HS3ST4: variants seen among roughly 807,000 people sequenced by gnomAD.
The protein encoded by HS3ST4 is heparan sulfate glucosamine 3-O-sulfotransferase 4.
A neutral mutation model predicts 29.2 loss-of-function variants in HS3ST4; 17 were observed. The ratio of observed to expected loss-of-function variants is 0.58; its 90% CI spans 0.40 to 0.87. HS3ST4 has a LOEUF of 0.87. Among genes scored for constraint, HS3ST4 ranks in the 40% least tolerant of loss-of-function variants. The probability of loss-of-function intolerance (pLI) is 0.00; values close to 1 mark genes in which losing one functional copy is unlikely to be tolerated. For synonymous variants in HS3ST4, 314 were observed against 285.7 expected (o/e 1.10, Z -1.00); for missense variants, 627 against 634.5 (o/e 0.99, Z 0.13).
intron 1 of HS3ST4, among the ~76,000 whole-genome samples, chr16:25,777,725 G>A (rs1313668292): frequency 1.3e-5 from 2 of 152,062 alleles, no homozygotes; most frequent in East Asian, 1.9e-4. Context: ...CTGAGATCGC[G>A]CCACTGCACT....
At chr16:25,813,059 C>T (rs1429399487) in intron 1 of HS3ST4, among the ~76,000 whole-genome samples, 2 of 152,182 alleles carry the variant, frequency 1.3e-5, no homozygotes, top group African/African-American at 2.4e-5. Context: ...ACAAAGGGCT[C>T]ATGTCCAGAA....
chr16:25,863,106 C>T (rs1344692803), intron 1 of HS3ST4, among the ~76,000 whole-genome samples: 1 of 152,128 alleles, frequency 6.6e-6, no homozygotes, highest in African/African-American at 2.4e-5. Flanking sequence ...ATCCTCTAAC[C>T]TATTTTCTAA....
At chr16:26,037,976 C>T (rs1969598621) in intron 1 of HS3ST4, among the ~76,000 whole-genome samples, 1 of 152,160 alleles carries the variant, frequency 6.6e-6, no homozygotes, top group Admixed American at 6.5e-5. Flanking sequence ...CTTGCCGGGT[C>T]AAAAGCCTCC....
chr16:25,933,268 G>C (rs1596618535), intron 1 of HS3ST4: 2 of 450,630 alleles, frequency 4.4e-6, no homozygotes, highest in Non-Finnish European at 8.9e-6. Flanking sequence ...AGCCATTATT[G>C]ATTGGCTGCC....
intron 1 of HS3ST4, among the ~76,000 whole-genome samples, chr16:25,882,699 G>A (rs1967906189): frequency 6.6e-6 from 1 of 152,038 alleles, no homozygotes; most frequent in Non-Finnish European, 1.5e-5. Flanking sequence ...GATAGTAAAG[G>A]GGGCTTTTCC....
At chr16:25,799,568 T>C (rs1200321353) in intron 1 of HS3ST4, among the ~76,000 whole-genome samples, 1 of 152,158 alleles carries the variant, frequency 6.6e-6, no homozygotes, top group Non-Finnish European at 1.5e-5. Context: ...TACCTGCTGC[T>C]CTCAGCACAG....
intron 1 of HS3ST4, among the ~76,000 whole-genome samples, chr16:26,109,065 G>A (rs1250773540): frequency 2.0e-5 from 3 of 152,060 alleles, no homozygotes; most frequent in African/African-American, 7.2e-5. Flanking sequence ...TTAAGTGTGG[G>A]ATGAAACCAG....
chr16:25,843,462 C>T (rs925653820), intron 1 of HS3ST4, among the ~76,000 whole-genome samples: 5 of 152,206 alleles, frequency 3.3e-5, no homozygotes, highest in African/African-American at 1.2e-4. Context: ...GACCTAGCCT[C>T]AGACCTGCAT....
intron 1 of HS3ST4, among the ~76,000 whole-genome samples, chr16:25,697,775 C>T (rs182348375): frequency 1.1e-3 from 174 of 152,170 alleles, no homozygotes; most frequent in African/African-American, 3.7e-3. Flanking sequence ...CTGCTTCAAG[C>T]GATTATCCTG....
intron 1 of HS3ST4, among the ~76,000 whole-genome samples, chr16:26,035,090 A>G (rs1029673721): frequency 6.6e-6 from 1 of 152,354 alleles, no homozygotes; most frequent in South Asian, 2.1e-4. Context: ...AACAATTTTA[A>G]TGAACTCAAA....
chr16:26,109,920 C>G (rs1899106703), intron 1 of HS3ST4, among the ~76,000 whole-genome samples: 1 of 152,076 alleles, frequency 6.6e-6, no homozygotes, highest in South Asian at 2.1e-4. Flanking sequence ...TATTTAAGAT[C>G]TACTTTCAGC....
intron 1 of HS3ST4, among the ~76,000 whole-genome samples, chr16:25,834,899 A>G (rs1967342001): frequency 6.6e-6 from 1 of 152,186 alleles, no homozygotes; most frequent in Admixed American, 6.5e-5. Context: ...GTGAGCTGAG[A>G]TCGCACCACT....
At chr16:25,798,918 A>C (rs990158452) in intron 1 of HS3ST4, among the ~76,000 whole-genome samples, 1 of 152,142 alleles carries the variant, frequency 6.6e-6, no homozygotes, top group African/African-American at 2.4e-5. Context: ...CTCCCTGGAC[A>C]TTGGGTTACC....
chr16:26,117,198 A>T (rs1899212158), intron 1 of HS3ST4, among the ~76,000 whole-genome samples: 3 of 152,208 alleles, frequency 2.0e-5, no homozygotes, highest in Admixed American at 1.3e-4. Context: ...TGGTGACTTC[A>T]GGCCATCGAA....
intron 1 of HS3ST4, among the ~76,000 whole-genome samples, chr16:25,990,784 T>C (rs1969107190): frequency 6.6e-6 from 1 of 152,206 alleles, no homozygotes; most frequent in Non-Finnish European, 1.5e-5. Flanking sequence ...CACTGTCTCA[T>C]GTATAATCAA....
intron 1 of HS3ST4, among the ~76,000 whole-genome samples, chr16:25,761,981 C>A (rs904352760): frequency 2.0e-5 from 3 of 152,074 alleles, no homozygotes; most frequent in Non-Finnish European, 4.4e-5. Context: ...TAGTTTGAAG[C>A]CCTCACCCCA....
chr16:25,902,504 A>G (rs188742048), intron 1 of HS3ST4, among the ~76,000 whole-genome samples: 128 of 152,140 alleles, frequency 8.4e-4, no homozygotes, highest in African/African-American at 3.1e-3. Context: ...GAAAATAAAA[A>G]AAGATGAAAC....
At chr16:25,791,970 A>C (rs1238078546) in intron 1 of HS3ST4, among the ~76,000 whole-genome samples, 2 of 151,952 alleles carry the variant, frequency 1.3e-5, no homozygotes, top group East Asian at 3.8e-4. Context: ...AATATTTTAA[A>C]TTTAGTTATG....
intron 1 of HS3ST4, among the ~76,000 whole-genome samples, chr16:25,933,590 C>A (rs867013852): frequency 1.9e-4 from 29 of 152,176 alleles, no homozygotes; most frequent in African/African-American, 6.5e-4. Flanking sequence ...GGGCAAATCA[C>A]AGCTGGTGTA....
Sources: allele counts gnomAD v4.1 joint callset (sites outside exome capture counted in the v4.1 genomes callset), GRCh38; gene constraint gnomAD v4.1.1; transcripts MANE v1.5; gene names NCBI Gene and HGNC (gene_info 2026-07-23, HGNC 2026-07-21).